Variants in DNHD1 observed in about 807,000 individuals in gnomAD.
The protein encoded by DNHD1 is dynein heavy chain domain-containing protein 1.
DNHD1 carries 383 observed loss-of-function variants against 458.1 expected under a neutral mutation model. The observed-to-expected ratio is 0.84, with a 90% CI of 0.77 to 0.91. The LOEUF is 0.91. Among genes scored for constraint, DNHD1 ranks in the 40% least tolerant of loss-of-function variants. The pLI is 0.00. For missense variants in DNHD1, 5,336 were observed against 5,866.1 expected, an observed-to-expected ratio of 0.91 and a Z score of 2.95; for synonymous variants, 2,203 against 2,376.9, an observed-to-expected ratio of 0.93 and a Z score of 2.13.
intron 3 of DNHD1, among the ~76,000 whole-genome samples, chr11:6,500,395 C>T (rs561568775): frequency 1.3e-5 from 2 of 152,212 alleles, no homozygotes; most frequent in Non-Finnish European, 2.9e-5. Context: ...TTAAGGTTGG[C>T]TTCCTCAGTT....
intron 14 of DNHD1, chr11:6,534,376 G>A (rs1852894880): frequency 5.0e-6 from 3 of 597,794 alleles, no homozygotes; most frequent in East Asian, 2.9e-5. Flanking sequence ...GCTTAGGGTG[G>A]GGGTATGGGG....
In DNHD1 at chr11:6,498,527, G is replaced by C. The variant is rs746094477; in HGVS notation, c.312G>C (p.Leu104Phe). 6.2e-7 allele frequency: 1 copy of C among 1,614,058 alleles called. No homozygotes were observed. The highest frequency in any genetic ancestry group is 8.5e-7 in the Non-Finnish European group (1 of 1,180,034). ...AGTTGCTAGTTGGCCACCTTGATTTGCTGCCCTTCCTGGAGCAGCTGTACT... is the reference window on the plus strand; with the variant it reads ...AGTTGCTAGTTGGCCACCTTGATTTCCTGCCCTTCCTGGAGCAGCTGTACT... ...YRELLVGHLD[L>F]LPFLEQLYCW... is the part of the protein sequence containing the mutation. The change falls in exon 3 of 43, where the codon TTG becomes TTC. Residue 104 changes from leucine to phenylalanine, a missense_variant. Coordinates refer to ENST00000254579, the MANE Select transcript of DNHD1 (RefSeq NM_144666.3).
chr11:6,546,319 C>T lies in DNHD1; in HGVS notation c.5380C>T (p.His1794Tyr). The T allele has an allele frequency of 6.4e-7, 1 of 1,552,414 alleles. No homozygotes were observed. Among genetic ancestry groups the T allele is most frequent in the Non-Finnish European group, 8.7e-7 (1 of 1,147,138 alleles). ...LLGSSFFEKH[H>Y]VSVRLGYGCL... ...TGGCAGTAGCTTCTTTGAAAAACAT[C>T]ACGTGTCTGTGCGCCTTGGCTATGG... The change falls in exon 21 of 43, where the codon CAC becomes TAC. Residue 1794 changes from histidine to tyrosine, a missense_variant. By Grantham distance (83) the His-to-Tyr change is moderately conservative. This residue lies in a region of DNHD1 where 3,932 missense variants were observed against 4,365.6 expected (regional missense o/e 0.90). Coordinates refer to ENST00000254579, the MANE Select transcript of DNHD1 (RefSeq NM_144666.3).
At chr11:6,500,955 GGAGAGAGA>G (rs147459515) in intron 3 of DNHD1, among the ~76,000 whole-genome samples, 5 of 151,136 alleles carry the variant, frequency 3.3e-5, no homozygotes, top group Non-Finnish European at 7.4e-5. Context: ...TCTGCAGGTG[GGAGAGAGA>G]GAGAGAGGGA....
Position 6,544,651 on chromosome 11 carries a change from C to G in DNHD1, c.3832C>G (p.Gln1278Glu), listed in dbSNP as rs1449876126. Residue 1278 changes from glutamine (Q) to glutamate (E), a missense_variant, in exon 20 of 43, where the codon CAG (glutamine) becomes GAG (glutamate). Around this residue, in one of 4 missense-constraint regions of DNHD1, gnomAD observed 3,932 missense variants for 4,365.6 expected, o/e 0.90. Coordinates refer to ENST00000254579, the MANE Select transcript of DNHD1 (RefSeq NM_144666.3). Reference sequence around the variant, plus strand: ...TAAAGTTCTGCATGAGATGAAGATCCAGTTTCCTAATGCTGACCTGGTAGG... The same window carrying G: ...TAAAGTTCTGCATGAGATGAAGATCGAGTTTCCTAATGCTGACCTGGTAGG... Reference protein sequence around the residue: ...LNKVLHEMKIQFPNADLNSRF... With the variant: ...LNKVLHEMKIEFPNADLNSRF... 1 of 1,551,358 alleles carries G rather than the reference C, an allele frequency of 6.4e-7. No individual in the cohort carries two copies. The highest frequency in any genetic ancestry group is 8.7e-7 in the Non-Finnish European group (1 of 1,146,958).
chr11:6,512,458 G>A (rs944668838), intron 7 of DNHD1, among the ~76,000 whole-genome samples: 10 of 151,912 alleles, frequency 6.6e-5, no homozygotes, highest in Non-Finnish European at 8.8e-5. Flanking sequence ...TCCTGACCTT[G>A]TGATCCGCCC....
chr11:6,567,007 G>A lies in DNHD1; in HGVS notation c.11498G>A (p.Cys3833Tyr). 1 of 1,614,046 alleles carries A rather than the reference G, an allele frequency of 6.2e-7. No individual in the cohort carries two copies. Among genetic ancestry groups the A allele is most frequent in the Non-Finnish European group, 8.5e-7 (1 of 1,179,900 alleles). Reference sequence around the variant, plus strand: ...AAGCTATGCCAGCTGCGTGCTCATTGTGAAGAGTTAGAAGGGCAGAAACTA... The same window carrying A: ...AAGCTATGCCAGCTGCGTGCTCATTATGAAGAGTTAGAAGGGCAGAAACTA... ...QGKLCQLRAH[C>Y]EELEGQKLQE... The change falls in exon 36 of 43, where the codon TGT (cysteine) becomes TAT (tyrosine). Residue 3833 changes from cysteine (C) to tyrosine (Y), a missense_variant. By Grantham distance (194) the Cys-to-Tyr change is radical (BLOSUM62 -2). This residue lies in a region of DNHD1 where 695 missense variants were observed against 804.2 expected (regional missense o/e 0.86). Transcript: ENST00000254579.
chr11:6,550,845 A>G (rs1233880867), intron 24 of DNHD1, among the ~76,000 whole-genome samples: 1 of 152,220 alleles, frequency 6.6e-6, no homozygotes, highest in Non-Finnish European at 1.5e-5. Flanking sequence ...TCCACACCTA[A>G]AATAGACATT....
chr11:6,525,606 C>T (rs139392895), intron 10 of DNHD1, among the ~76,000 whole-genome samples: 21 of 152,318 alleles, frequency 1.4e-4, no homozygotes, highest in Non-Finnish European at 2.9e-4. Context: ...TTTTGTTTGT[C>T]TGAAGGTCAC....
chr11:6,566,730 G>C lies in DNHD1; in HGVS notation c.11350G>C (p.Ala3784Pro). ...CCGCTGGCAGGACCTAAAGATCAGA[G>C]CCCTAGATACCTGCAAGGCTGTGGA... ...ETRWQDLKIRALDTCKAVEAA... is the reference protein window; with the variant it reads ...ETRWQDLKIRPLDTCKAVEAA... The change falls in exon 35 of 43, where the codon GCC becomes CCC. Residue 3784 changes from alanine (A) to proline (P), a missense_variant. Transcript: ENST00000254579. 6.2e-7 allele frequency: 1 copy of C among 1,611,582 alleles called. No individual in the cohort carries two copies. The highest frequency in any genetic ancestry group is 8.5e-7 in the Non-Finnish European group (1 of 1,178,824).
At chr11:6,530,743 A>G (rs1852811171) in intron 12 of DNHD1, among the ~76,000 whole-genome samples, 1 of 152,134 alleles carries the variant, frequency 6.6e-6, no homozygotes, top group Non-Finnish European at 1.5e-5. Context: ...CTCCTCTTGT[A>G]CAGGGGGTTC....
chr11:6,523,672 C>T (rs1487193867), intron 10 of DNHD1, among the ~76,000 whole-genome samples: 1 of 152,106 alleles, frequency 6.6e-6, no homozygotes, highest in Non-Finnish European at 1.5e-5. Context: ...AATTACATTC[C>T]TTTGATTTAG....
chr11:6,548,695 A>G lies in DNHD1; in HGVS notation c.7149A>G (p.Pro2383=). 3 of 1,551,650 alleles carry G rather than the reference A, an allele frequency of 1.9e-6. No homozygotes were observed. The highest frequency in any genetic ancestry group is 2.6e-6 in the Non-Finnish European group (3 of 1,146,956). The change falls in exon 24 of 43, where the codon CCA becomes CCG. Residue 2383 remains proline, a synonymous_variant. Transcript: ENST00000254579. The surrounding 1 kb of genome is among the most constrained non-coding windows in gnomAD (Gnocchi z 4.4). ...VVDLLLSGGQ[P]VLLAGEAATG... ...ACCTGCTTCTGTCAGGGGGACAGCCAGTGTTGCTGGCTGGAGAGGCAGCAA... is the reference window on the plus strand; with the variant it reads ...ACCTGCTTCTGTCAGGGGGACAGCCGGTGTTGCTGGCTGGAGAGGCAGCAA...
At position 6,527,812 on chromosome 11, in the gene DNHD1, T is replaced by G. The variant is rs527976635; in HGVS notation, c.1838-710T>G. 2.2e-4 allele frequency among the ~76,000 whole-genome samples: 33 copies of G among 152,348 alleles called. 1 individual carries two copies. In the South Asian group the frequency reaches 4.1e-3, roughly 19 times the overall value. ...GAACATTTTAATTCTTTCCTTTATT[T>G]TGTGCGAAGTTTTAACACAAATACT... On this transcript the variant is annotated intron_variant, in intron 10 of 42. Coordinates refer to ENST00000254579, the MANE Select transcript of DNHD1 (RefSeq NM_144666.3).
At chr11:6,499,960 T>C (rs539085775) in intron 3 of DNHD1, among the ~76,000 whole-genome samples, 1 of 106,510 alleles carries the variant, frequency 9.4e-6, no homozygotes, top group East Asian at 3.7e-4. Context: ...GTTCTCTAAC[T>C]TTCGATTTTT....
At chr11:6,539,178 A>G (rs1260545020) in intron 16 of DNHD1, 41 bp from the exon 17 acceptor site, 2 of 1,389,270 alleles carry the variant, frequency 1.4e-6, no homozygotes, top group African/African-American at 2.9e-5. Flanking sequence ...GGACTCTGCC[A>G]CATACTGGGT....
At chr11:6,508,854 C>A (rs770097644) in intron 4 of DNHD1, 26 bp from the exon 5 acceptor site, 1 of 1,612,446 alleles carries the variant, frequency 6.2e-7, no homozygotes, top group Non-Finnish European at 8.5e-7. Context: ...CCAGGGCCTT[C>A]ACTGATCAGA....
At chr11:6,518,641 A>G (rs1347548515) in intron 7 of DNHD1, among the ~76,000 whole-genome samples, 1 of 152,214 alleles carries the variant, frequency 6.6e-6, no homozygotes, top group East Asian at 1.9e-4. Flanking sequence ...AGTGTAGTGG[A>G]TGAGTTATAT....
intron 12 of DNHD1, among the ~76,000 whole-genome samples, chr11:6,530,330 A>G (rs1852800012): frequency 6.6e-6 from 1 of 152,142 alleles, no homozygotes; most frequent in Non-Finnish European, 1.5e-5. Context: ...AATCTGGCTT[A>G]TGACCTAGTC....
Sources: gnomAD v4.1 joint callset for allele counts (sites outside exome capture counted in the v4.1 genomes callset) on GRCh38, gnomAD v4.1.1 for gene constraint, gnomAD v4.1.1 regional missense constraint, Gnocchi (gnomAD v3.1) non-coding constraint, MANE v1.5 for transcripts, NCBI Gene and HGNC (gene_info 2026-07-23, HGNC 2026-07-21) for gene names.